CCNK: variants seen among roughly 807,000 people sequenced by gnomAD.
The protein encoded by CCNK is cyclin K, also known as cyclin-K.
Under a neutral mutation model 65.0 loss-of-function variants are expected in CCNK, and 9 were observed. That is an observed-to-expected ratio of 0.14 (90% confidence interval 0.08 to 0.24). The LOEUF (loss-of-function observed/expected upper bound fraction) is 0.24, where lower values mean the gene tolerates loss of function less well. Among genes scored for constraint, CCNK ranks in the 10% least tolerant of loss-of-function variants. CCNK has a pLI of 1.00. For synonymous variants in CCNK, 279 were observed against 270.8 expected, an observed-to-expected ratio of 1.03 and a Z score of -0.30; for missense variants, 474 against 720.0, an observed-to-expected ratio of 0.66 and a Z score of 3.91.
intron 8 of CCNK, 120 bp downstream of exon 8, chr14:99,503,104 AACTCGCAGTCCG>A: frequency 8.7e-7 from 1 of 1,151,514 alleles, no homozygotes; most frequent in Non-Finnish European, 1.3e-6. Context: ...TGTTCGCCGA[AACTCGCAGTCCG>A]ACTGCTTGTC....
At chr14:99,494,342 A>G (rs1221573615) in intron 3 of CCNK, 1 of 152,236 alleles carries the variant, frequency 6.6e-6, no homozygotes, top group African/African-American at 2.4e-5. Context: ...TCAGACCACG[A>G]TAAGCCTCGA....
intron 9 of CCNK, chr14:99,505,436 T>G (rs1896949963): frequency 6.6e-6 from 1 of 152,374 alleles, no homozygotes; most frequent in East Asian, 1.9e-4. Context: ...AAGGAGAACG[T>G]AAGACATCTC....
intron 8 of CCNK, 159 bp from the exon 9 acceptor site, chr14:99,503,452 T>A: frequency 3.2e-6 from 2 of 625,214 alleles, no homozygotes; most frequent in Non-Finnish European, 5.7e-6. Flanking sequence ...ATCTGGTAGG[T>A]GCCGTGGTTT....
intron 2 of CCNK, 62 bp from the exon 3 acceptor site, chr14:99,493,452 A>T: frequency 1.0e-6 from 1 of 997,818 alleles, no homozygotes; most frequent in Admixed American, 2.3e-5. Context: ...TTGTTTTTCT[A>T]CATTTAACTA....
intron 6 of CCNK, 148 bp from the exon 7 acceptor site, chr14:99,502,058 TA>T: frequency 1.2e-6 from 1 of 842,272 alleles, no homozygotes; most frequent in Non-Finnish European, 1.7e-6. Flanking sequence ...TTTAGAAGAG[TA>T]AAGACTTGAG....
intron 5 of CCNK, 40 bp downstream of exon 5, chr14:99,500,911 A>G (rs1187188837): frequency 1.6e-6 from 2 of 1,235,492 alleles, no homozygotes; most frequent in Non-Finnish European, 2.3e-6. Flanking sequence ...TCATTCTGAA[A>G]TCAAGTCTTT....
intron 7 of CCNK, 22 bp from the exon 8 acceptor site, chr14:99,502,682 CAATTTGTGTAAAATG>C: frequency 6.3e-7 from 1 of 1,588,428 alleles, no homozygotes; most frequent in Non-Finnish European, 8.6e-7. Flanking sequence ...TTTAAAATAC[CAATTTGTGTAAAATG>C]TAATTGTTGG....
At chr14:99,501,729 C>T (rs1896835637) in intron 6 of CCNK, 2 of 324,464 alleles carry the variant, frequency 6.2e-6, no homozygotes, top group African/African-American at 4.3e-5. Flanking sequence ...CAAAAATATA[C>T]TTCCTGGTAT....
chr14:99,482,184 A>G (rs940609858), intron 1 of CCNK, among the ~76,000 whole-genome samples: 1 of 152,222 alleles, frequency 6.6e-6, no homozygotes, highest in Non-Finnish European at 1.5e-5. Flanking sequence ...AGCTTTCGCT[A>G]AGTCATCTGA....
chr14:99,508,887 T>C (rs1440658335), intron 10 of CCNK: 1 of 152,186 alleles, frequency 6.6e-6, no homozygotes, highest in Non-Finnish European at 1.5e-5. Flanking sequence ...CATTGAAGGG[T>C]GTCAGCACTT....
chr14:99,511,781 T>C lies in CCNK; in HGVS notation c.*999T>C, dbSNP rs1897136506. The C allele has an allele frequency of 6.6e-6, 1 of 152,628 alleles. No homozygotes were observed. Among genetic ancestry groups the C allele is most frequent in the South Asian group, 2.1e-4 (1 of 4,838 alleles). The allele number at this position is 152,628 out of a possible 1,614,324, so 9.5% of individuals were successfully genotyped here. A position where few individuals can be genotyped will look rare whatever the true frequency, so the allele number is the denominator to read the frequency against. On this transcript the variant is annotated 3_prime_UTR_variant, in exon 11 of 11. Coordinates refer to ENST00000389879, the MANE Select transcript of CCNK (RefSeq NM_001099402.2). ...TGAGTTCCAAACCAGTTTGAAACTT[T>C]GAAGCCTTGCTGCGTAGAACGCACA...
intron 9 of CCNK, 25 bp from the exon 10 acceptor site, chr14:99,507,051 T>C: frequency 6.8e-7 from 1 of 1,461,768 alleles, no homozygotes; most frequent in Non-Finnish European, 9.6e-7. Flanking sequence ...TATGAGTGGT[T>C]TTCTAATCTG....
At chr14:99,506,078 GT>G in intron 9 of CCNK, 1 of 152,626 alleles carries the variant, frequency 6.6e-6, no homozygotes, top group Non-Finnish European at 1.5e-5. Context: ...ATGGGCCATG[GT>G]TTTGGTGGCA....
intron 1 of CCNK, among the ~76,000 whole-genome samples, chr14:99,482,548 G>A (rs1181324281): frequency 6.6e-6 from 1 of 152,158 alleles, no homozygotes; most frequent in South Asian, 2.1e-4. Flanking sequence ...AATTATCCAA[G>A]ATTGTCTTAT....
chr14:99,500,037 C>T (rs1023434238), intron 4 of CCNK: 11 of 152,118 alleles, frequency 7.2e-5, no homozygotes, highest in African/African-American at 2.2e-4. Flanking sequence ...TATTGTATCC[C>T]ACCCAAATCC....
intron 4 of CCNK, among the ~76,000 whole-genome samples, chr14:99,498,536 TG>T (rs1426508563): frequency 6.6e-6 from 1 of 152,212 alleles, no homozygotes; most frequent in East Asian, 1.9e-4. Context: ...GAACATTTTT[TG>T]CCTTAATTAG....
rs375840284 is a variant in CCNK, at chr14:99,500,882, A to G, written c.517+11A>G. On this transcript the variant is annotated intron_variant, in intron 5 of 10. Transcript: ENST00000389879. ...CAAAGCAACTCAAAGGTAAGAAGAA[A>G]GTTTTCAGAAGAATTTTTTCATTCT... 2 of 1,420,414 alleles carry G rather than the reference A, an allele frequency of 1.4e-6. No homozygotes were observed. The highest frequency in any genetic ancestry group is 2.9e-5 in the African/African-American group (2 of 69,478). 88.0% of individuals were successfully genotyped at this position (1,420,414 alleles called of 1,614,324 possible). A position where few individuals can be genotyped will look rare whatever the true frequency, so the allele number is the denominator to read the frequency against.
At chr14:99,495,351 C>A (rs1316354994) in intron 3 of CCNK, 147 bp from the exon 4 acceptor site, 3 of 500,424 alleles carry the variant, frequency 6.0e-6, no homozygotes, top group African/African-American at 4.0e-5. Flanking sequence ...TTCCTTCAAG[C>A]TTCTAGAGTA....
chr14:99,492,183 G>C (rs1200822582), intron 1 of CCNK: 1 of 153,142 alleles, frequency 6.5e-6, no homozygotes. Context: ...ACTGAAAAGG[G>C]GTGCTGGATG....
Sources: gnomAD v4.1 joint callset for allele counts (sites outside exome capture counted in the v4.1 genomes callset) on GRCh38, gnomAD v4.1.1 for gene constraint, MANE v1.5 for transcripts, NCBI Gene and HGNC (gene_info 2026-07-23, HGNC 2026-07-21) for gene names.